Variants in LAPTM5 observed in about 807,000 individuals in gnomAD.
LAPTM5 encodes the protein lysosomal protein transmembrane 5.
LAPTM5 carries 11 observed loss-of-function variants against 30.1 expected under a neutral mutation model. The observed-to-expected ratio is 0.37, with a 90% CI of 0.23 to 0.60. The LOEUF is 0.60. LAPTM5 is among the 20% of genes least tolerant of loss of function. The pLI is 0.71. For missense variants in LAPTM5, 324 were observed against 332.5 expected, an observed-to-expected ratio of 0.97 and a Z score of 0.20; for synonymous variants, 151 against 137.9, an observed-to-expected ratio of 1.10 and a Z score of -0.67.
chr1:30,741,220 A>G (rs1457047783), intron 3 of LAPTM5, among the ~76,000 whole-genome samples: 1 of 152,170 alleles, frequency 6.6e-6, no homozygotes, highest in Non-Finnish European at 1.5e-5. Flanking sequence ...ATAGAGCTGC[A>G]TGCATCCTAC....
Position 30,733,706 on chromosome 1 carries a change from C to T in LAPTM5, c.*122G>A. 1 of 1,532,778 alleles carries T rather than the reference C, an allele frequency of 6.5e-7. No homozygotes were observed. The highest frequency in any genetic ancestry group is 1.2e-5 in the South Asian group (1 of 83,552). 94.9% of individuals were successfully genotyped at this position (1,532,778 alleles called of 1,614,324 possible). ...AGCAGGCCAGCGAGGGAGACACAAG[C>T]AGATTGTCCTGCCAGGGAGGGGCGG... is the stretch of plus-strand genomic sequence containing the variant. On this transcript the variant is annotated 3_prime_UTR_variant, in exon 8 of 8. Transcript: ENST00000294507.
intron 2 of LAPTM5, chr1:30,741,948 G>A: frequency 2.4e-6 from 1 of 415,030 alleles, no homozygotes; most frequent in Non-Finnish European, 4.4e-6. Flanking sequence ...GTGCAGGCTG[G>A]GGTCCACTTC....
intron 1 of LAPTM5, among the ~76,000 whole-genome samples, chr1:30,749,202 G>A (rs1422293576): frequency 3.3e-5 from 5 of 152,260 alleles, no homozygotes; most frequent in Admixed American, 6.5e-5. Context: ...CCACACAGAC[G>A]AAGCTCCCAA....
chr1:30,757,579 C>T, intron 1 of LAPTM5, 80 bp downstream of exon 1: 2 of 1,420,200 alleles, frequency 1.4e-6, no homozygotes, highest in Non-Finnish European at 2.0e-6. Context: ...ATTTGTGGGG[C>T]TCCGTAGATG....
chr1:30,753,933 A>C (rs1468549637), intron 1 of LAPTM5, among the ~76,000 whole-genome samples: 3 of 152,244 alleles, frequency 2.0e-5, no homozygotes. Flanking sequence ...TCATTGTACC[A>C]AATATGGAAA....
chr1:30,745,647 A>C (rs1386931428), intron 1 of LAPTM5, among the ~76,000 whole-genome samples: 2 of 152,184 alleles, frequency 1.3e-5, no homozygotes, highest in East Asian at 3.9e-4. Flanking sequence ...AGAGCGAGGC[A>C]ACCTCAGAGC....
rs75995270 is a variant in LAPTM5 at position 30,755,514 on chromosome 1, T to G, written c.87+2145A>C. Among the ~76,000 whole-genome samples the G allele has an allele frequency of 0.013, 1,936 of 152,228 alleles. 82 individuals carry two copies. The East Asian group carries it at 0.15, about 12-fold the overall frequency. The stretch of plus-strand genomic sequence containing the variant: ...ACCTGTTTCTCCTCACCTTCCATAC[T>G]GCCCACAACCAAACTCTCCCTCCTG... On this transcript the variant is annotated intron_variant, in intron 1 of 7. Transcript: ENST00000294507.
intron 2 of LAPTM5, 56 bp from the exon 3 acceptor site, chr1:30,741,772 G>T: frequency 7.3e-7 from 1 of 1,363,288 alleles, no homozygotes; most frequent in Non-Finnish European, 1.0e-6. Flanking sequence ...ACCCCAGCCA[G>T]GCTCCCAGGA....
At chr1:30,745,393 GA>G (rs1298713817) in intron 1 of LAPTM5, among the ~76,000 whole-genome samples, 2 of 152,144 alleles carry the variant, frequency 1.3e-5, no homozygotes, top group African/African-American at 2.4e-5. Context: ...TGCCTCAGTG[GA>G]GGCAGAGAGG....
intron 6 of LAPTM5, 126 bp from the exon 7 acceptor site, chr1:30,735,391 C>T (rs1639871546): frequency 8.1e-6 from 6 of 744,950 alleles, no homozygotes; most frequent in East Asian, 5.0e-5. Context: ...TGCTCCTGCT[C>T]GGACCTCTCA....
intron 1 of LAPTM5, among the ~76,000 whole-genome samples, chr1:30,752,511 C>G (rs531383729): frequency 1.3e-5 from 2 of 152,330 alleles, no homozygotes; most frequent in East Asian, 3.9e-4. Flanking sequence ...CTACTCCCCC[C>G]GCCCAGCGTG....
At chr1:30,750,176 G>A (rs564832263) in intron 1 of LAPTM5, among the ~76,000 whole-genome samples, 1 of 152,286 alleles carries the variant, frequency 6.6e-6, no homozygotes, top group African/African-American at 2.4e-5. Context: ...GGAGCAGCCA[G>A]TGGGGGGCTC....
At chr1:30,736,739 C>A (rs1639889966) in intron 6 of LAPTM5, among the ~76,000 whole-genome samples, 1 of 152,182 alleles carries the variant, frequency 6.6e-6, no homozygotes, top group African/African-American at 2.4e-5. Context: ...TCCAGCTCAT[C>A]TGTAGTTTTT....
At chr1:30,738,664 C>T (rs751766368) in intron 5 of LAPTM5, among the ~76,000 whole-genome samples, 3 of 152,250 alleles carry the variant, frequency 2.0e-5, no homozygotes, top group Non-Finnish European at 4.4e-5. Context: ...TTGCAATTCA[C>T]ATGCCAAAGC....
chr1:30,738,287 T>G (rs1336713192), intron 5 of LAPTM5, among the ~76,000 whole-genome samples: 2 of 152,230 alleles, frequency 1.3e-5, no homozygotes, highest in Non-Finnish European at 2.9e-5. Context: ...TAAAAGACAC[T>G]GCCTTTCCTC....
intron 6 of LAPTM5, 77 bp downstream of exon 6, chr1:30,737,524 TAAC>T: frequency 1.0e-6 from 1 of 1,003,138 alleles, no homozygotes; most frequent in Non-Finnish European, 1.5e-6. Context: ...CCCTGCCTTC[TAAC>T]AGCTTGGCAT....
At chr1:30,743,416 G>T (rs149360622) in intron 1 of LAPTM5, among the ~76,000 whole-genome samples, 46 of 152,330 alleles carry the variant, frequency 3.0e-4, no homozygotes, top group African/African-American at 1.0e-3. Flanking sequence ...GGTGGCCCTA[G>T]AAACAACTGA....
intron 6 of LAPTM5, among the ~76,000 whole-genome samples, chr1:30,735,932 G>A (rs1462655094): frequency 6.6e-6 from 1 of 152,146 alleles, no homozygotes; most frequent in African/African-American, 2.4e-5. Context: ...GACATATGGA[G>A]GTACGGAGTG....
chr1:30,739,047 G>C lies in LAPTM5; in HGVS notation c.403C>G (p.Pro135Ala). The C allele has an allele frequency of 6.3e-7, 1 of 1,596,486 alleles. No homozygotes were observed. Among genetic ancestry groups the C allele is most frequent in the Non-Finnish European group, 8.5e-7 (1 of 1,170,724 alleles). The change falls in exon 5 of 8, where the codon CCC (proline) becomes GCC (alanine). Residue 135 changes from proline (P) to alanine (A), a missense_variant. By Grantham distance (27) the Pro-to-Ala change is conservative (BLOSUM62 -1). Transcript: ENST00000294507. This position sits in a 1 kb window ranked among gnomAD's most constrained non-coding sequence, Gnocchi z 4.2. ...SRSRASSSKF[P>A]LMTLQLLDFC... The stretch of plus-strand genomic sequence containing the variant: ...TCCAGCAGCTGCAGCGTCATCAGGG[G>C]GAACTTGGAGGAGCTCTGGGGAGGA...
Sources: allele counts gnomAD v4.1 joint callset (sites outside exome capture counted in the v4.1 genomes callset), GRCh38; gene constraint gnomAD v4.1.1; non-coding constraint Gnocchi (gnomAD v3.1); transcripts MANE v1.5; gene names NCBI Gene and HGNC (gene_info 2026-07-23, HGNC 2026-07-21).